PHTF2: variants seen among roughly 807,000 people sequenced by gnomAD.
The protein encoded by PHTF2 is protein PHTF2.
PHTF2 carries 60 observed loss-of-function variants against 101.2 expected under a neutral mutation model. That is an observed-to-expected ratio of 0.59 (90% CI 0.48 to 0.73). The LOEUF (loss-of-function observed/expected upper bound fraction) is 0.73. Among genes scored for constraint, PHTF2 ranks in the 30% least tolerant of loss-of-function variants. The pLI is 0.00. For missense variants in PHTF2, 747 were observed against 908.7 expected (o/e 0.82, Z 2.29); for synonymous variants, 311 against 307.3 (o/e 1.01, Z -0.13).
At chr7:77,905,246 C>G (rs2906515) in intron 7 of PHTF2, among the ~76,000 whole-genome samples, 1 of 152,028 alleles carries the variant, frequency 6.6e-6, no homozygotes, top group South Asian at 2.1e-4. Flanking sequence ...GTTTTTTAGA[C>G]ATAGGGTTTT....
chr7:77,927,818 A>G (rs1217344235), intron 11 of PHTF2, among the ~76,000 whole-genome samples: 2 of 152,246 alleles, frequency 1.3e-5, no homozygotes, highest in African/African-American at 2.4e-5. Flanking sequence ...AGAACAAGCC[A>G]TGCTTAGGGG....
At chr7:77,863,304 A>G (rs117374332) in intron 3 of PHTF2, among the ~76,000 whole-genome samples, 3,631 of 152,346 alleles carry the variant, frequency 0.024, 60 homozygotes, top group Admixed American at 0.034. Context: ...TTAGTAAGGT[A>G]GCCTTATTAA....
rs187635403 is a variant in PHTF2 at position 77,899,975 on chromosome 7, G to A, written c.217-736G>A. Among the ~76,000 whole-genome samples the A allele has an allele frequency of 6.2e-5, 8 of 128,754 alleles. No homozygotes were observed. In the East Asian group the frequency reaches 1.6e-3, roughly 26 times the overall value. 84.5% of individuals were successfully genotyped at this position (128,754 alleles called of 152,430 possible). A position where few individuals can be genotyped will look rare whatever the true frequency, so the allele number is the denominator to read the frequency against. ...TAAGTAATAATTTACTTTGTTATAGGTTTTTTTTTCACTAGTTTTGATCTA... is the reference window on the plus strand; with the variant it reads ...TAAGTAATAATTTACTTTGTTATAGATTTTTTTTTCACTAGTTTTGATCTA... On this transcript the variant is annotated intron_variant, in intron 5 of 19. Transcript: ENST00000416283.
chr7:77,852,452 C>T (rs958415126), intron 2 of PHTF2, among the ~76,000 whole-genome samples: 2 of 152,154 alleles, frequency 1.3e-5, no homozygotes, highest in Non-Finnish European at 2.9e-5. Context: ...AAACTGATGA[C>T]AACTTAATAC....
intron 9 of PHTF2, among the ~76,000 whole-genome samples, chr7:77,913,336 C>G (rs1329736441): frequency 7.0e-6 from 1 of 142,358 alleles, no homozygotes; most frequent in African/African-American, 2.6e-5. Flanking sequence ...TGTAGTGAGT[C>G]AAGATTGTGC....
At chr7:77,835,302 AG>A (rs1244630451) in intron 1 of PHTF2, among the ~76,000 whole-genome samples, 5 of 151,838 alleles carry the variant, frequency 3.3e-5, no homozygotes. Context: ...GAAAAAAAAA[AG>A]AAAGCTTCAT....
intron 3 of PHTF2, among the ~76,000 whole-genome samples, chr7:77,855,584 C>G (rs964177050): frequency 5.3e-5 from 8 of 152,140 alleles, no homozygotes; most frequent in Non-Finnish European, 1.2e-4. Flanking sequence ...CCTAGAGTGC[C>G]TTTCAAGTTT....
chr7:77,905,243 A>G (rs1801745233), intron 7 of PHTF2, among the ~76,000 whole-genome samples: 1 of 152,112 alleles, frequency 6.6e-6, no homozygotes, highest in Non-Finnish European at 1.5e-5. Flanking sequence ...TCTGTTTTTT[A>G]GACATAGGGT....
chr7:77,876,782 T>A (rs928413726), intron 3 of PHTF2, among the ~76,000 whole-genome samples: 3 of 152,226 alleles, frequency 2.0e-5, no homozygotes, highest in Non-Finnish European at 4.4e-5. Context: ...GGTACACACC[T>A]GCAGTTGCAG....
exon 2 of PHTF2, chr7:77,840,286 T>A: frequency 6.2e-7 from 1 of 1,608,066 alleles, no homozygotes; most frequent in Non-Finnish European, 8.5e-7. Context: ...TGCTATAGTC[T>A]GGTATCAAAA....
intron 3 of PHTF2, among the ~76,000 whole-genome samples, chr7:77,867,633 A>G (rs947835165): frequency 3.3e-5 from 5 of 152,242 alleles, no homozygotes; most frequent in Admixed American, 2.0e-4. Flanking sequence ...AGTATACTTC[A>G]GTAACTGTGG....
At position 77,801,411 on chromosome 7, in the gene PHTF2, C is replaced by T. The variant is rs866109907; in HGVS notation, c.-36+2440C>T. ...GACCAGCCTGACCAATATGAAACCC[C>T]GTCTCTACTAAAAATACAAAAAAAA... On this transcript the variant is annotated intron_variant, in intron 1 of 19. Coordinates refer to ENST00000416283, the Ensembl canonical transcript of PHTF2. Among the ~76,000 whole-genome samples the T allele has an allele frequency of 3.9e-5, 6 of 152,132 alleles. No individual in the cohort carries two copies. The South Asian group carries it at 6.2e-4, about 16-fold the overall frequency.
chr7:77,846,266 A>G (rs906351148), intron 2 of PHTF2, among the ~76,000 whole-genome samples: 1 of 152,186 alleles, frequency 6.6e-6, no homozygotes, highest in African/African-American at 2.4e-5. Flanking sequence ...TAACCCAATC[A>G]TGGCATTCTG....
chr7:77,933,708 TG>T (rs1804820150), intron 12 of PHTF2, among the ~76,000 whole-genome samples: 5 of 135,454 alleles, frequency 3.7e-5, no homozygotes, highest in Admixed American at 3.5e-4. Flanking sequence ...GCAGGGACCA[TG>T]TGTTTTTTTT....
chr7:77,937,925 CCTT>C (rs1299222017), intron 13 of PHTF2, 87 bp downstream of exon 12: 5 of 559,170 alleles, frequency 8.9e-6, no homozygotes, highest in Non-Finnish European at 1.4e-5. Context: ...ATATTAGTAA[CCTT>C]CTGACCTCAT....
Position 77,929,164 on chromosome 7 carries a change from A to AT in PHTF2, c.1177dup (p.Ser393PhefsTer2). The AT allele has an allele frequency of 6.2e-7, 1 of 1,613,986 alleles. No homozygotes were observed. Among genetic ancestry groups the AT allele is most frequent in the Non-Finnish European group, 8.5e-7 (1 of 1,179,860 alleles). The stretch of plus-strand genomic sequence containing the variant: ...TCTCGCTGTTCAAGTTCCAGACAGG[A>AT]TTCTGAGAGTGCAAGGCCAGAATCT... On this transcript the variant is annotated frameshift_variant, in exon 12 of 20. Coordinates refer to ENST00000416283, the Ensembl canonical transcript of PHTF2. LOFTEE classifies it high-confidence loss of function.
At chr7:77,905,247 A>G (rs1801745916) in intron 7 of PHTF2, among the ~76,000 whole-genome samples, 1 of 152,186 alleles carries the variant, frequency 6.6e-6, no homozygotes, top group African/African-American at 2.4e-5. Flanking sequence ...TTTTTTAGAC[A>G]TAGGGTTTTG....
chr7:77,940,362 A>AC, intron 14 of PHTF2, 60 bp downstream of exon 13: 2 of 1,430,014 alleles, frequency 1.4e-6, no homozygotes, highest in Non-Finnish European at 1.9e-6. Context: ...TATTAAAAGT[A>AC]TTCCTGAAGT....
intron 3 of PHTF2, among the ~76,000 whole-genome samples, chr7:77,892,556 C>G (rs1800531062): frequency 1.3e-5 from 2 of 152,112 alleles, no homozygotes; most frequent in South Asian, 4.1e-4. Context: ...GTGTAGTTAT[C>G]TGAAATATTT....
Sources: allele counts gnomAD v4.1 joint callset (sites outside exome capture counted in the v4.1 genomes callset), GRCh38; gene constraint gnomAD v4.1.1; transcripts MANE v1.5; gene names NCBI Gene and HGNC (gene_info 2026-07-23, HGNC 2026-07-21).